Variants in FANCL observed in about 807,000 individuals in gnomAD.
The protein encoded by FANCL is FA complementation group L.
A neutral mutation model predicts 59.4 loss-of-function variants in FANCL; 69 were observed. The ratio of observed to expected loss-of-function variants is 1.16; its 90% CI spans 0.96 to 1.42. The LOEUF (loss-of-function observed/expected upper bound fraction) is 1.42. FANCL is among the 40% of genes most tolerant of loss of function. The pLI is 0.00. For synonymous variants in FANCL, 180 were observed against 147.1 expected, an observed-to-expected ratio of 1.22 and a Z score of -1.62; for missense variants, 519 against 447.2, an observed-to-expected ratio of 1.16 and a Z score of -1.45.
At chr2:58,232,600 T>C (rs1693685276) in intron 1 of FANCL, among the ~76,000 whole-genome samples, 1 of 152,078 alleles carries the variant, frequency 6.6e-6, no homozygotes, top group African/African-American at 2.4e-5. Flanking sequence ...ACACAATCTA[T>C]ACAGACATAA....
chr2:58,171,545 G>A (rs763468021), intron 7 of FANCL, among the ~76,000 whole-genome samples: 2 of 152,148 alleles, frequency 1.3e-5, no homozygotes, highest in Non-Finnish European at 2.9e-5. Context: ...GAAGGAGATA[G>A]AGACACGAAA....
chr2:58,178,975 A>C (rs1256706881), intron 7 of FANCL, among the ~76,000 whole-genome samples: 1 of 152,212 alleles, frequency 6.6e-6, no homozygotes, highest in Non-Finnish European at 1.5e-5. Flanking sequence ...GTGAACTCCC[A>C]TTCACAATTG....
At chr2:58,167,856 TA>T (rs1686110426) in intron 7 of FANCL, among the ~76,000 whole-genome samples, 1 of 152,180 alleles carries the variant, frequency 6.6e-6, no homozygotes. Context: ...TCAACGAACT[TA>T]GGGGGTAGAC....
At chr2:58,213,769 A>T (rs1001325771) in intron 5 of FANCL, 2 of 151,964 alleles carry the variant, frequency 1.3e-5, no homozygotes, top group African/African-American at 4.8e-5. Flanking sequence ...CTTAGTAACT[A>T]TAATTAAACT....
At chr2:58,190,207 T>C (rs1391077687) in intron 7 of FANCL, among the ~76,000 whole-genome samples, 2 of 152,022 alleles carry the variant, frequency 1.3e-5, no homozygotes, top group African/African-American at 2.4e-5. Flanking sequence ...ACCTCTTCTA[T>C]ACTTAAGTTA....
At chr2:58,218,285 A>C (rs1012849187) in intron 5 of FANCL, among the ~76,000 whole-genome samples, 1 of 152,044 alleles carries the variant, frequency 6.6e-6, no homozygotes, top group African/African-American at 2.4e-5. Flanking sequence ...ATCTAAAAAA[A>C]TTAAATTCTT....
chr2:58,203,020 T>C (rs1391476495), intron 6 of FANCL, among the ~76,000 whole-genome samples: 1 of 143,024 alleles, frequency 7.0e-6, no homozygotes, highest in Non-Finnish European at 1.5e-5. Context: ...AAAGGCAAAT[T>C]TCTCTTAAAA....
chr2:58,177,146 G>T (rs1573586445), intron 7 of FANCL, among the ~76,000 whole-genome samples: 1 of 152,120 alleles, frequency 6.6e-6, no homozygotes. Context: ...TGCTGGAGAG[G>T]ATGTGGAGAA....
chr2:58,206,937 G>A (rs1690646850), intron 5 of FANCL, among the ~76,000 whole-genome samples: 1 of 152,160 alleles, frequency 6.6e-6, no homozygotes. Context: ...GACCTTGATT[G>A]TCAATTGCCC....
rs1232390878 is a variant in FANCL at position 58,193,053 on chromosome 2, T to C, written c.540+5541A>G. 2.6e-5 allele frequency among the ~76,000 whole-genome samples: 4 copies of C among 151,896 alleles called. No individual in the cohort carries two copies. In the East Asian group the frequency reaches 5.8e-4, roughly 22 times the overall value. ...CTTAAGAAAAAATTCAACAAAAATA[T>C]GTAACATGTAGATTAAGAAATCATT... On this transcript the variant is annotated intron_variant, in intron 7 of 13. Transcript: ENST00000233741.
At chr2:58,227,458 G>A (rs984883462) in intron 3 of FANCL, among the ~76,000 whole-genome samples, 2 of 152,168 alleles carry the variant, frequency 1.3e-5, no homozygotes, top group African/African-American at 4.8e-5. Flanking sequence ...ACAGAAGGGA[G>A]ACGGTTTTCC....
In FANCL at chr2:58,168,738, CCT is replaced by C. The variant is rs1241386674; in HGVS notation, c.541-2866_541-2865del. ...TGCCAGCACAGCAGTCTGAAGTAGACCTGGGGCACTCAAGCTTGGTGGGGGAA... is the reference window on the plus strand; with the variant it reads ...TGCCAGCACAGCAGTCTGAAGTAGACGGGGCACTCAAGCTTGGTGGGGGAA... On this transcript the variant is annotated intron_variant, in intron 7 of 13. Transcript: ENST00000233741. Among the ~76,000 whole-genome samples, 15 of 152,182 alleles carry C rather than the reference CCT, an allele frequency of 9.9e-5. No homozygotes were observed. The East Asian group carries it at 2.9e-3, about 29-fold the overall frequency.
At chr2:58,238,118 C>A (rs1694189781) in intron 1 of FANCL, among the ~76,000 whole-genome samples, 1 of 152,174 alleles carries the variant, frequency 6.6e-6, no homozygotes, top group South Asian at 2.1e-4. Context: ...TGAATGCAGC[C>A]CAACACAAAT....
At chr2:58,184,532 TCTG>T (rs1330642689) in intron 7 of FANCL, among the ~76,000 whole-genome samples, 1 of 152,010 alleles carries the variant, frequency 6.6e-6, no homozygotes, top group African/African-American at 2.4e-5. Context: ...AACTGTTAGA[TCTG>T]CTAATCAAAG....
At chr2:58,212,214 A>G (rs1038630360) in intron 5 of FANCL, among the ~76,000 whole-genome samples, 1 of 152,202 alleles carries the variant, frequency 6.6e-6, no homozygotes, top group Non-Finnish European at 1.5e-5. Context: ...CCCATCTTAC[A>G]TGGATGGCAG....
chr2:58,194,918 T>C (rs62140041), intron 7 of FANCL, among the ~76,000 whole-genome samples: 5,245 of 130,060 alleles, frequency 0.04, 115 homozygotes, highest in East Asian at 0.097. Flanking sequence ...GCCATGTCTA[T>C]TATATCACAA....
At chr2:58,180,665 C>A (rs949591180) in intron 7 of FANCL, among the ~76,000 whole-genome samples, 2 of 151,928 alleles carry the variant, frequency 1.3e-5, no homozygotes, top group African/African-American at 2.4e-5. Flanking sequence ...ATGTAACAAA[C>A]CTGCACGTTC....
chr2:58,215,299 G>T (rs1486239455), intron 5 of FANCL, among the ~76,000 whole-genome samples: 3 of 152,024 alleles, frequency 2.0e-5, no homozygotes, highest in East Asian at 1.9e-4. Flanking sequence ...TATTTAAAAG[G>T]CTCCAACCAT....
intron 9 of FANCL, 21 bp from the exon 10 acceptor site, chr2:58,163,095 ATT>A: frequency 1.3e-6 from 2 of 1,568,098 alleles, no homozygotes; most frequent in African/African-American, 1.4e-5. Flanking sequence ...AAAAAAAAAA[ATT>A]TAATAATTGC....
Sources: gnomAD v4.1 joint callset for allele counts (sites outside exome capture counted in the v4.1 genomes callset) on GRCh38, gnomAD v4.1.1 for gene constraint, MANE v1.5 for transcripts, NCBI Gene and HGNC (gene_info 2026-07-23, HGNC 2026-07-21) for gene names.